METRNL: variants seen among roughly 807,000 people sequenced by gnomAD.
The protein encoded by METRNL is meteorin-like protein.
METRNL carries 9 observed loss-of-function variants against 17.4 expected under a neutral mutation model. That is an observed-to-expected ratio of 0.52 (90% CI 0.31 to 0.90). The LOEUF (loss-of-function observed/expected upper bound fraction) is 0.90, where lower values mean the gene tolerates loss of function less well. Among genes scored for constraint, METRNL ranks in the 40% least tolerant of loss-of-function variants. The pLI is 0.05. For missense variants in METRNL, 408 were observed against 430.7 expected (o/e 0.95, Z 0.47); for synonymous variants, 215 against 199.3 (o/e 1.08, Z -0.66).
In METRNL at chr17:83,080,857, GGCCCCC is replaced by G. The variant is rs533735221; in HGVS notation, c.170+894_170+899del. On this transcript the variant is annotated intron_variant, in intron 1 of 3. Coordinates refer to ENST00000320095, the MANE Select transcript of METRNL (RefSeq NM_001004431.3). ...CCTGGGTCCCGCTTCCCCTCGGCGC[GGCCCCC>G]GCCCCCGCCCCCGCCCCCGCCGCGG... Among the ~76,000 whole-genome samples the G allele has an allele frequency of 4.9e-3, 731 of 150,654 alleles. 7 individuals are homozygous for G. Among genetic ancestry groups the G allele is most frequent in the East Asian group, 0.02 (102 of 5,056 alleles).
chr17:83,086,649 C>T (rs550060556), intron 2 of METRNL, among the ~76,000 whole-genome samples: 2 of 152,282 alleles, frequency 1.3e-5, no homozygotes, highest in South Asian at 2.1e-4. Flanking sequence ...ATTCTTTCTG[C>T]TGATTAAAGT....
intron 2 of METRNL, among the ~76,000 whole-genome samples, chr17:83,088,961 G>A (rs1479328808): frequency 2.6e-5 from 4 of 152,088 alleles, no homozygotes; most frequent in Non-Finnish European, 4.4e-5. Flanking sequence ...CTTCTCTCCG[G>A]CCACTGTAAT....
chr17:83,081,128 C>T (rs1000358076), intron 1 of METRNL, among the ~76,000 whole-genome samples: 1 of 151,746 alleles, frequency 6.6e-6, no homozygotes, highest in African/African-American at 2.4e-5. Flanking sequence ...CCCGGCTGTC[C>T]CGGGAGCGGC....
rs112118474 is a variant in METRNL, at chr17:83,093,612, C to G, written c.616+386C>G. On this transcript the variant is annotated intron_variant, in intron 3 of 3. Transcript: ENST00000320095. The stretch of plus-strand genomic sequence containing the variant: ...TTGGCGTTGGACACTCCTTGCCCCC[C>G]ACCAGAGTTCACGCTGTTCCAGGCC... Among the ~76,000 whole-genome samples, 276 of 152,344 alleles carry G rather than the reference C, an allele frequency of 1.8e-3. 1 individual carries two copies. The highest frequency in any genetic ancestry group is 5.9e-3 in the African/African-American group (244 of 41,574).
chr17:83,083,519 A>G (rs142962174), intron 1 of METRNL, among the ~76,000 whole-genome samples: 2 of 152,158 alleles, frequency 1.3e-5, no homozygotes, highest in Non-Finnish European at 2.9e-5. Context: ...CCTTGCCCAC[A>G]CACGTGTTAG....
At chr17:83,091,304 C>A (rs2038133367) in intron 2 of METRNL, among the ~76,000 whole-genome samples, 1 of 152,188 alleles carries the variant, frequency 6.6e-6, no homozygotes. Context: ...GAAGCAAATG[C>A]AGGAGGAGGT....
chr17:83,090,515 C>T lies in METRNL; in HGVS notation c.557-2652C>T, dbSNP rs1437213994. On this transcript the variant is annotated intron_variant, in intron 2 of 3. Transcript: ENST00000320095. ...CGCCCCACACACACACACCCCCGCC[C>T]CACACACACCCCCGACTGTGCTGCT... 3.1e-4 allele frequency among the ~76,000 whole-genome samples: 29 copies of T among 93,214 alleles called. 1 individual carries two copies. The highest frequency in any genetic ancestry group is 5.9e-4 in the Non-Finnish European group (26 of 44,400). The allele number at this position is 93,214 out of a possible 152,430, so 61.2% of individuals were successfully genotyped here. A position where few individuals can be genotyped will look rare whatever the true frequency, so the allele number is the denominator to read the frequency against.
At chr17:83,092,856 G>C (rs2038156273) in intron 2 of METRNL, among the ~76,000 whole-genome samples, 1 of 152,158 alleles carries the variant, frequency 6.6e-6, no homozygotes, top group African/African-American at 2.4e-5. Flanking sequence ...TGGCCGGACT[G>C]AGGGTCTTGC....
At chr17:83,087,484 C>A (rs1336043465) in intron 2 of METRNL, among the ~76,000 whole-genome samples, 1 of 152,178 alleles carries the variant, frequency 6.6e-6, no homozygotes. Context: ...CCTCTCCTAT[C>A]CTGATGGGGT....
At position 83,094,424 on chromosome 17, in the gene METRNL, T is replaced by G. The variant is rs2038177854; in HGVS notation, c.785T>G (p.Val262Gly). ...GRVRTLLECG[V>G]RPGHGDFLFT... Reference sequence around the variant, plus strand: ...GTCAGGACGCTGCTGGAGTGTGGCGTGCGGCCGGGGCATGGCGACTTCCTC... The same window carrying G: ...GTCAGGACGCTGCTGGAGTGTGGCGGGCGGCCGGGGCATGGCGACTTCCTC... The change falls in exon 4 of 4, where the codon GTG (valine) becomes GGG (glycine). Residue 262 changes from valine (V) to glycine (G), a missense_variant. Coordinates refer to ENST00000320095, the MANE Select transcript of METRNL (RefSeq NM_001004431.3). 6.2e-7 allele frequency: 1 copy of G among 1,600,816 alleles called. No homozygotes were observed. Among genetic ancestry groups the G allele is most frequent in the Admixed American group, 1.7e-5 (1 of 59,408 alleles).
chr17:83,082,882 G>T (rs2038005896), intron 1 of METRNL, among the ~76,000 whole-genome samples: 1 of 152,218 alleles, frequency 6.6e-6, no homozygotes, highest in Non-Finnish European at 1.5e-5. Flanking sequence ...TGATTTTAAT[G>T]TGAAAATCCC....
intron 2 of METRNL, among the ~76,000 whole-genome samples, chr17:83,089,383 C>T (rs2038089708): frequency 1.3e-5 from 2 of 152,190 alleles, no homozygotes; most frequent in African/African-American, 2.4e-5. Context: ...TGTGTGAGTC[C>T]CTCTGGCTGT....
intron 2 of METRNL, among the ~76,000 whole-genome samples, chr17:83,091,909 A>T (rs1286926418): frequency 6.6e-6 from 1 of 152,240 alleles, no homozygotes; most frequent in African/African-American, 2.4e-5. Context: ...AGAGCAAATA[A>T]TAAAACCATG....
rs1170160315 is a variant in METRNL at position 83,084,865 on chromosome 17, T to TG, written c.171-72dup. 2.6e-6 allele frequency: 4 copies of TG among 1,533,028 alleles called. No homozygotes were observed. In the African/African-American group the frequency reaches 4.1e-5, roughly 16 times the overall value. 95.0% of individuals were successfully genotyped at this position (1,533,028 alleles called of 1,614,324 possible). A position where few individuals can be genotyped will look rare whatever the true frequency, so the allele number is the denominator to read the frequency against. ...CATTTGGAGCGGGTATCGTCCTCAC[T>TG]GACTCTCTGTGGGTGCGGGTGGGGT... On this transcript the variant is annotated intron_variant, in intron 1 of 3. Coordinates refer to ENST00000320095, the MANE Select transcript of METRNL (RefSeq NM_001004431.3).
chr17:83,091,426 C>T (rs543089390), intron 2 of METRNL, among the ~76,000 whole-genome samples: 290 of 152,356 alleles, frequency 1.9e-3, no homozygotes, highest in Non-Finnish European at 3.5e-3. Flanking sequence ...CCTGCGGGGT[C>T]CACAAAGACC....
intron 3 of METRNL, 36 bp downstream of exon 3, chr17:83,093,262 T>G (rs7502442): frequency 0.31 from 482,069 of 1,569,740 alleles, 76,962 homozygotes; most frequent in East Asian, 0.54. Flanking sequence ...CCTCCTGTGC[T>G]CCTGGTTTCT....
At chr17:83,091,986 C>T (rs757217483) in intron 2 of METRNL, among the ~76,000 whole-genome samples, 3 of 152,226 alleles carry the variant, frequency 2.0e-5, no homozygotes, top group East Asian at 1.9e-4. Flanking sequence ...CAGTGGCCCG[C>T]CCATCTAAGA....
intron 1 of METRNL, 125 bp from the exon 2 acceptor site, chr17:83,084,813 G>A: frequency 7.8e-7 from 1 of 1,281,428 alleles, no homozygotes; most frequent in Non-Finnish European, 1.1e-6. Context: ...CCTGTGGCCG[G>A]CAGCGGGTGG....
chr17:83,093,256 C>T (rs1341233029), intron 3 of METRNL, 30 bp downstream of exon 3: 1 of 1,586,692 alleles, frequency 6.3e-7, no homozygotes, highest in East Asian at 2.2e-5. Context: ...CTTCTACCTC[C>T]TGTGCTCCTG....
Sources: gnomAD v4.1 joint callset for allele counts (sites outside exome capture counted in the v4.1 genomes callset) on GRCh38, gnomAD v4.1.1 for gene constraint, MANE v1.5 for transcripts, NCBI Gene and HGNC (gene_info 2026-07-23, HGNC 2026-07-21) for gene names.